Variants in DCC observed in about 807,000 individuals in gnomAD.
DCC encodes DCC netrin 1 receptor.
DCC carries 58 observed loss-of-function variants against 172.5 expected under a neutral mutation model. The ratio of observed to expected loss-of-function variants is 0.34; its 90% CI spans 0.27 to 0.42. DCC has a LOEUF of 0.42. Ranked by LOEUF, DCC falls within the 10% of genes least tolerant of loss-of-function variation. DCC has a pLI of 1.00. For synonymous variants in DCC, 709 were observed against 644.5 expected (o/e 1.10, Z -1.52); for missense variants, 1,740 against 1,791.0 (o/e 0.97, Z 0.51).
At chr18:53,299,699 T>C (rs2057109759) in intron 12 of DCC, among the ~76,000 whole-genome samples, 1 of 152,234 alleles carries the variant, frequency 6.6e-6, no homozygotes. Flanking sequence ...TGATACATGT[T>C]GAATGAGTAA....
chr18:52,418,557 G>A (rs1055257123), intron 1 of DCC, among the ~76,000 whole-genome samples: 1 of 152,174 alleles, frequency 6.6e-6, no homozygotes, highest in Non-Finnish European at 1.5e-5. Context: ...CCAGAAGCAG[G>A]AGGCAGGCCC....
At chr18:53,265,862 T>C (rs2144694192) in intron 12 of DCC, among the ~76,000 whole-genome samples, 1 of 152,338 alleles carries the variant, frequency 6.6e-6, no homozygotes, top group Non-Finnish European at 1.5e-5. Flanking sequence ...TTACTTTCTG[T>C]TGGTGATACC....
At chr18:52,402,909 A>G (rs1465975080) in intron 1 of DCC, among the ~76,000 whole-genome samples, 12 of 152,000 alleles carry the variant, frequency 7.9e-5, no homozygotes, top group Admixed American at 7.9e-4. Flanking sequence ...TTGTCATCCT[A>G]CAGGATTATT....
intron 1 of DCC, among the ~76,000 whole-genome samples, chr18:52,696,703 A>G (rs1285476718): frequency 6.6e-6 from 1 of 152,202 alleles, no homozygotes; most frequent in Non-Finnish European, 1.5e-5. Flanking sequence ...CCCAAAATTC[A>G]TGAATGACGG....
At chr18:52,828,784 A>ATATG (rs2038559862) in intron 2 of DCC, among the ~76,000 whole-genome samples, 9 of 152,294 alleles carry the variant, frequency 5.9e-5, no homozygotes, top group African/African-American at 1.9e-4. Flanking sequence ...GGAGCCAGTT[A>ATATG]CTTTAGTAAG....
At chr18:53,358,043 T>A (rs1789405695) in intron 15 of DCC, among the ~76,000 whole-genome samples, 2 of 152,192 alleles carry the variant, frequency 1.3e-5, no homozygotes, top group South Asian at 4.1e-4. Context: ...CAAATTTGAT[T>A]GTAAATGCTT....
chr18:52,973,271 T>C (rs1233192208), intron 5 of DCC, among the ~76,000 whole-genome samples: 1 of 152,198 alleles, frequency 6.6e-6, no homozygotes, highest in Non-Finnish European at 1.5e-5. Context: ...AAAGGAATCA[T>C]AAAATCCTCA....
intron 1 of DCC, among the ~76,000 whole-genome samples, chr18:52,713,119 C>T (rs558521358): frequency 3.7e-4 from 57 of 152,244 alleles, no homozygotes; most frequent in Admixed American, 2.9e-3. Context: ...GAAGGAGTGT[C>T]GAGGGACTTG....
intron 5 of DCC, among the ~76,000 whole-genome samples, chr18:52,966,548 C>G (rs2040933818): frequency 6.6e-6 from 1 of 152,048 alleles, no homozygotes; most frequent in African/African-American, 2.4e-5. Flanking sequence ...AGTGGATTGC[C>G]CAATCGGAGG....
intron 1 of DCC, among the ~76,000 whole-genome samples, chr18:52,610,170 AAAAAAAAAATATATATATATATAT>A (rs1387698820): frequency 6.5e-4 from 16 of 24,626 alleles, no homozygotes; most frequent in East Asian, 1.1e-3. Flanking sequence ...AAAAAAAAAA[AAAAAAAAAATATATATATATATAT>A]ATATATATAT....
chr18:52,789,337 C>A (rs1024589332), intron 2 of DCC, among the ~76,000 whole-genome samples: 2 of 151,930 alleles, frequency 1.3e-5, no homozygotes, highest in African/African-American at 4.8e-5. Context: ...TGTCTTAGGG[C>A]CTCTCATGTG....
At chr18:53,070,896 G>T (rs1370798656) in intron 7 of DCC, among the ~76,000 whole-genome samples, 1 of 152,150 alleles carries the variant, frequency 6.6e-6, no homozygotes, top group African/African-American at 2.4e-5. Context: ...TGCAGCACAG[G>T]CCGCGTGCAC....
At chr18:53,032,885 A>C (rs2042044236) in intron 5 of DCC, among the ~76,000 whole-genome samples, 1 of 152,160 alleles carries the variant, frequency 6.6e-6, no homozygotes, top group Non-Finnish European at 1.5e-5. Context: ...ACTCTCCCAG[A>C]AAACTCCCTT....
intron 11 of DCC, among the ~76,000 whole-genome samples, chr18:53,208,861 C>A (rs1300052570): frequency 6.6e-6 from 1 of 152,080 alleles, no homozygotes; most frequent in Non-Finnish European, 1.5e-5. Flanking sequence ...CTCCTGAGTA[C>A]CTGGGATTAC....
chr18:52,586,162 A>T (rs1381349259), intron 1 of DCC, among the ~76,000 whole-genome samples: 1 of 151,284 alleles, frequency 6.6e-6, no homozygotes, highest in East Asian at 1.9e-4. Flanking sequence ...ATAAATTCTT[A>T]TTGAATCAAA....
chr18:52,512,934 G>C (rs2031494965), intron 1 of DCC, among the ~76,000 whole-genome samples: 1 of 152,160 alleles, frequency 6.6e-6, no homozygotes, highest in South Asian at 2.1e-4. Context: ...AGGAAGGACT[G>C]TGTGGCCTCA....
chr18:53,473,415 A>G (rs975237332), intron 25 of DCC, among the ~76,000 whole-genome samples: 2 of 152,254 alleles, frequency 1.3e-5, no homozygotes, highest in Non-Finnish European at 2.9e-5. Context: ...TTTGTAACAC[A>G]TCAATGTTTG....
At chr18:53,307,011 G>A (rs1011908155) in intron 13 of DCC, among the ~76,000 whole-genome samples, 4 of 152,164 alleles carry the variant, frequency 2.6e-5, no homozygotes, top group African/African-American at 7.2e-5. Context: ...GATACTCAGC[G>A]AATTTCCATT....
intron 1 of DCC, among the ~76,000 whole-genome samples, chr18:52,543,598 G>T (rs1050139085): frequency 2.6e-5 from 4 of 152,164 alleles, no homozygotes; most frequent in African/African-American, 9.7e-5. Flanking sequence ...TGGGCTGATG[G>T]GATAATTGTG....
Sources: gnomAD v4.1 joint callset for allele counts (sites outside exome capture counted in the v4.1 genomes callset) on GRCh38, gnomAD v4.1.1 for gene constraint, MANE v1.5 for transcripts, NCBI Gene and HGNC (gene_info 2026-07-23, HGNC 2026-07-21) for gene names.